Variants in KDM4C observed in about 807,000 individuals in gnomAD.
The protein encoded by KDM4C is lysine-specific demethylase 4C.
KDM4C carries 81 observed loss-of-function variants against 129.3 expected under a neutral mutation model. That is an observed-to-expected ratio of 0.63 (90% CI 0.52 to 0.75). The LOEUF (loss-of-function observed/expected upper bound fraction) is 0.75. Among genes scored for constraint, KDM4C ranks in the 30% least tolerant of loss-of-function variants. KDM4C has a pLI of 0.00. For missense variants in KDM4C, 1,457 were observed against 1,304.0 expected (o/e 1.12, Z -1.81); for synonymous variants, 573 against 456.1 (o/e 1.26, Z -3.26).
At chr9:7,148,797 G>A (rs1842455159) in intron 19 of KDM4C, among the ~76,000 whole-genome samples, 1 of 152,224 alleles carries the variant, frequency 6.6e-6, no homozygotes, top group South Asian at 2.1e-4. Flanking sequence ...CCCAAGGAGT[G>A]TCTGAGTCCA....
At chr9:6,971,739 A>T (rs940865129) in intron 8 of KDM4C, among the ~76,000 whole-genome samples, 1 of 152,160 alleles carries the variant, frequency 6.6e-6, no homozygotes, top group Non-Finnish European at 1.5e-5. Context: ...TAGTAATGCA[A>T]TACTTTAAGG....
intron 1 of KDM4C, among the ~76,000 whole-genome samples, chr9:6,776,908 C>A (rs1030133637): frequency 6.6e-6 from 1 of 152,162 alleles, no homozygotes; most frequent in African/African-American, 2.4e-5. Context: ...GGCCTCAATC[C>A]CACCTTTTAA....
rs1162035250 is a variant in KDM4C, at chr9:6,771,820, C to T, written c.-18+13617C>T. On this transcript the variant is annotated intron_variant, in intron 1 of 21. Coordinates refer to ENST00000381309, the MANE Select transcript of KDM4C (RefSeq NM_015061.6). ...TTTGGTGAGGGGCTCGCTGCCCAGG[C>T]TGAGTGCTGGAGGGCCTCAATGGGT... is the stretch of plus-strand genomic sequence containing the variant. Among the ~76,000 whole-genome samples the T allele has an allele frequency of 2.6e-5, 4 of 151,514 alleles. No homozygotes were observed. The East Asian group carries it at 7.9e-4, about 30-fold the overall frequency.
At chr9:7,031,147 T>C (rs1462198475) in intron 15 of KDM4C, among the ~76,000 whole-genome samples, 1 of 123,792 alleles carries the variant, frequency 8.1e-6, no homozygotes, top group East Asian at 2.2e-4. Flanking sequence ...TATTTATTTA[T>C]TTATTTATTT....
Position 7,005,134 on chromosome 9 carries a change from G to A in KDM4C, c.1787-6564G>A, listed in dbSNP as rs1327173775. Among the ~76,000 whole-genome samples, 4 of 152,088 alleles carry A rather than the reference G, an allele frequency of 2.6e-5. No individual in the cohort carries two copies. The East Asian group carries it at 7.7e-4, about 29-fold the overall frequency. ...AGCACCCATGGTAGAACAAAGGTTA[G>A]CATTAAGACCCCATGAGTAGGCTGG... On this transcript the variant is annotated intron_variant, in intron 12 of 21. Coordinates refer to ENST00000381309, the MANE Select transcript of KDM4C (RefSeq NM_015061.6).
At chr9:6,988,543 T>C (rs1818150325) in intron 11 of KDM4C, among the ~76,000 whole-genome samples, 1 of 152,196 alleles carries the variant, frequency 6.6e-6, no homozygotes, top group Non-Finnish European at 1.5e-5. Context: ...CCCCACTTAA[T>C]TTTTGTGTAG....
At chr9:6,869,057 G>A (rs1842472359) in intron 5 of KDM4C, among the ~76,000 whole-genome samples, 1 of 151,882 alleles carries the variant, frequency 6.6e-6, no homozygotes, top group Admixed American at 6.6e-5. Context: ...CTGATCGCTC[G>A]GGGAATTAAT....
intron 18 of KDM4C, among the ~76,000 whole-genome samples, chr9:7,119,081 A>G (rs1290340153): frequency 6.6e-6 from 1 of 152,194 alleles, no homozygotes; most frequent in Admixed American, 6.5e-5. Flanking sequence ...TGTCCACTTG[A>G]GTATTTAAGT....
At position 6,882,513 on chromosome 9, in the gene KDM4C, G is replaced by A. The variant is rs1376471818; in HGVS notation, c.679+2452G>A. On this transcript the variant is annotated intron_variant, in intron 6 of 21. Coordinates refer to ENST00000381309, the MANE Select transcript of KDM4C (RefSeq NM_015061.6). ...GCTATTATTTTAAAAAACTGAAAAG[G>A]ATTTACTTTGAAAATTTTGGTTACT... Among the ~76,000 whole-genome samples, 4 of 152,186 alleles carry A rather than the reference G, an allele frequency of 2.6e-5. No homozygotes were observed. In the East Asian group the frequency reaches 7.7e-4, roughly 29 times the overall value.
chr9:6,790,682 A>AAG (rs71315564), intron 1 of KDM4C, among the ~76,000 whole-genome samples: 5,540 of 113,052 alleles, frequency 0.049, 390 homozygotes, highest in Middle Eastern at 0.074. Flanking sequence ...AAAAAAAAAA[A>AAG]GAGGAAAACT....
chr9:7,089,807 A>G (rs1336086942), intron 17 of KDM4C, among the ~76,000 whole-genome samples: 1 of 152,208 alleles, frequency 6.6e-6, no homozygotes, highest in African/African-American at 2.4e-5. Context: ...AAACCTTGCC[A>G]TATTTTGCTG....
chr9:7,107,201 T>A (rs1295554903), intron 18 of KDM4C, among the ~76,000 whole-genome samples: 1 of 152,258 alleles, frequency 6.6e-6, no homozygotes, highest in Admixed American at 6.5e-5. Flanking sequence ...ATAACCTAGT[T>A]TCTGGCTGTA....
At position 7,145,294 on chromosome 9, in the gene KDM4C, T is replaced by C. The variant is rs946078945; in HGVS notation, c.2781+17058T>C. On this transcript the variant is annotated intron_variant, in intron 19 of 21. Transcript: ENST00000381309. ...TGGTGAAGGAGGAGGATCACTAGAA[T>C]GGGACTTGAAAATTTAGAAACCGTA... is the stretch of plus-strand genomic sequence containing the variant. Among the ~76,000 whole-genome samples, 5 of 152,206 alleles carry C rather than the reference T, an allele frequency of 3.3e-5. No individual in the cohort carries two copies. In the East Asian group the frequency reaches 9.6e-4, roughly 29 times the overall value.
At chr9:7,029,129 T>G (rs1162794225) in intron 15 of KDM4C, among the ~76,000 whole-genome samples, 1 of 152,170 alleles carries the variant, frequency 6.6e-6, no homozygotes. Flanking sequence ...TTCTGCCCTG[T>G]CTCCAAAATC....
intron 4 of KDM4C, among the ~76,000 whole-genome samples, chr9:6,826,683 T>TA (rs1299670951): frequency 2.6e-5 from 4 of 152,034 alleles, no homozygotes; most frequent in African/African-American, 9.7e-5. Context: ...CTGGTCAACA[T>TA]TGTGAAACCC....
intron 8 of KDM4C, among the ~76,000 whole-genome samples, chr9:6,937,746 C>G (rs532500799): frequency 7.2e-5 from 11 of 152,240 alleles, no homozygotes; most frequent in South Asian, 2.1e-4. Flanking sequence ...GAGTCTTGCT[C>G]TGTCGCCGAG....
chr9:7,025,467 A>C (rs1171265162), intron 15 of KDM4C, among the ~76,000 whole-genome samples: 1 of 151,402 alleles, frequency 6.6e-6, no homozygotes, highest in East Asian at 1.9e-4. Flanking sequence ...ATTGAAGGTG[A>C]TTTTGTCTTG....
chr9:6,779,998 C>A (rs1823967642), intron 1 of KDM4C, among the ~76,000 whole-genome samples: 1 of 152,190 alleles, frequency 6.6e-6, no homozygotes, highest in Non-Finnish European at 1.5e-5. Flanking sequence ...CAGCCACCTA[C>A]AGCTACTTAA....
At chr9:6,816,131 AAT>A (rs1454734559) in intron 4 of KDM4C, among the ~76,000 whole-genome samples, 4 of 152,218 alleles carry the variant, frequency 2.6e-5, no homozygotes, top group African/African-American at 9.7e-5. Context: ...GGTATACTCA[AAT>A]ATTAGCTGAC....
Sources: gnomAD v4.1 joint callset for allele counts (sites outside exome capture counted in the v4.1 genomes callset) on GRCh38, gnomAD v4.1.1 for gene constraint, MANE v1.5 for transcripts, NCBI Gene and HGNC (gene_info 2026-07-23, HGNC 2026-07-21) for gene names.